The following GRIA3 variants were observed in gnomAD, a reference collection of about 807,000 sequenced individuals.
GRIA3 encodes glutamate ionotropic receptor AMPA type subunit 3.
GRIA3 carries 3 observed loss-of-function variants against 63.0 expected under a neutral mutation model. The observed-to-expected ratio is 0.05, with a 90% CI of 0.02 to 0.12. The LOEUF (loss-of-function observed/expected upper bound fraction) is 0.12, where lower values mean the gene tolerates loss of function less well. Among genes scored for constraint, GRIA3 ranks in the 10% least tolerant of loss-of-function variants. GRIA3 has a pLI of 1.00. For missense variants in GRIA3, 347 were observed against 700.9 expected (o/e 0.50, Z 5.70); for synonymous variants, 274 against 257.9 (o/e 1.06, Z -0.60).
intron 3 of GRIA3, among the ~76,000 whole-genome samples, chrX:123,274,414 G>A (rs531545219): frequency 1.8e-5 from 2 of 111,833 alleles, no homozygotes; most frequent in African/African-American, 6.5e-5. Context: ...AAGAAAAAGC[G>A]AAAGCAGACA....
At chrX:123,441,280 T>A (rs1225414157) in intron 12 of GRIA3, among the ~76,000 whole-genome samples, 1 of 111,895 alleles carries the variant, frequency 8.9e-6, no homozygotes, top group Non-Finnish European at 1.9e-5. Flanking sequence ...CACATTAAGA[T>A]TTGTTTGTGA....
intron 12 of GRIA3, among the ~76,000 whole-genome samples, chrX:123,456,245 C>T (rs62594148): frequency 0.1 from 11,217 of 110,959 alleles, 478 homozygotes; most frequent in Admixed American, 0.15. Context: ...CTACTGCACC[C>T]ACCTCACAGG....
chrX:123,350,877 T>A (rs2045090109), intron 4 of GRIA3, among the ~76,000 whole-genome samples: 1 of 112,432 alleles, frequency 8.9e-6, no homozygotes, highest in African/African-American at 3.2e-5. Context: ...AAAATAAATT[T>A]CCTTAAAACA....
intron 15 of GRIA3, among the ~76,000 whole-genome samples, chrX:123,484,960 C>T (rs765074609): frequency 1.8e-5 from 2 of 112,801 alleles, no homozygotes; most frequent in South Asian, 7.3e-4. Context: ...CAGCACACTG[C>T]ACCAATCCGC....
chrX:123,367,556 C>A (rs1477357205), intron 5 of GRIA3, among the ~76,000 whole-genome samples: 2 of 110,644 alleles, frequency 1.8e-5, no homozygotes, highest in Non-Finnish European at 3.8e-5. Context: ...GCTGCCTCAA[C>A]CTCCTGAGTA....
At chrX:123,415,909 G>T (rs144685061) in intron 10 of GRIA3, among the ~76,000 whole-genome samples, 1 of 111,976 alleles carries the variant, frequency 8.9e-6, no homozygotes, top group Admixed American at 9.4e-5. Context: ...GGTTGGCTAA[G>T]GTTGATAATT....
At chrX:123,275,884 GC>G (rs1461578243) in intron 3 of GRIA3, among the ~76,000 whole-genome samples, 33 of 112,047 alleles carry the variant, frequency 2.9e-4, no homozygotes, top group African/African-American at 9.4e-4. Flanking sequence ...ATTGTATCTA[GC>G]TTCTATCTGT....
At chrX:123,326,877 G>A (rs2044909162) in intron 4 of GRIA3, among the ~76,000 whole-genome samples, 2 of 110,620 alleles carry the variant, frequency 1.8e-5, no homozygotes, top group Non-Finnish European at 3.8e-5. Flanking sequence ...TGGGCAACAA[G>A]TTATCACTGT....
intron 5 of GRIA3, among the ~76,000 whole-genome samples, chrX:123,386,235 T>C (rs1259601996): frequency 8.9e-6 from 1 of 112,236 alleles, no homozygotes; most frequent in African/African-American, 3.2e-5. Context: ...GCAATCTGTA[T>C]GTCTTATTTT....
intron 2 of GRIA3, among the ~76,000 whole-genome samples, chrX:123,237,635 G>A (rs776892215): frequency 3.6e-5 from 4 of 112,061 alleles, no homozygotes; most frequent in African/African-American, 6.5e-5. Context: ...TACAGAGCCC[G>A]AATCCTCTTT....
intron 13 of GRIA3, among the ~76,000 whole-genome samples, chrX:123,477,804 A>G (rs990624340): frequency 1.8e-5 from 2 of 111,842 alleles, no homozygotes; most frequent in Non-Finnish European, 3.8e-5. Context: ...ACCTTTAATC[A>G]GACTGCTCTG....
intron 4 of GRIA3, among the ~76,000 whole-genome samples, chrX:123,341,974 G>GTT (rs756236854): frequency 9.3e-6 from 1 of 107,369 alleles, no homozygotes; most frequent in African/African-American, 3.4e-5. Context: ...CTAAGAGTGG[G>GTT]TTTTTTTTTT....
intron 4 of GRIA3, among the ~76,000 whole-genome samples, chrX:123,352,147 C>T (rs746446647): frequency 9.1e-6 from 1 of 110,003 alleles, no homozygotes; most frequent in African/African-American, 3.3e-5. Flanking sequence ...ATGGCACGAT[C>T]TCAGCTCACT....
At chrX:123,304,171 G>T (rs1206311254) in intron 3 of GRIA3, among the ~76,000 whole-genome samples, 1 of 111,040 alleles carries the variant, frequency 9.0e-6, no homozygotes, top group South Asian at 3.8e-4. Flanking sequence ...AAGAAAAGTG[G>T]GCTTACATAT....
In GRIA3 at chrX:123,403,034, CT is replaced by C; in HGVS notation, c.1123del (p.Tyr375MetfsTer14). ...QGMTGNIQFD[T>X]YGRRTNYTID... ...ATGACTGGAAATATTCAATTTGACA[CT>C]TATGGACGTAGGACAAATTATACCA... On this transcript the variant is annotated frameshift_variant, in exon 8 of 16. Coordinates refer to ENST00000620443, the MANE Select transcript of GRIA3 (RefSeq NM_007325.5). LOFTEE classifies it high-confidence loss of function. 1 of 1,177,927 alleles carries C rather than the reference CT, an allele frequency of 8.5e-7. No individual in the cohort carries two copies. Among genetic ancestry groups the C allele is most frequent in the Non-Finnish European group, 1.2e-6 (1 of 865,508 alleles).
chrX:123,465,632 C>G (rs371921501), intron 13 of GRIA3: 41 of 995,272 alleles, frequency 4.1e-5, no homozygotes, highest in Non-Finnish European at 5.7e-5. Flanking sequence ...ATTTCCTAAG[C>G]ATTTGTGCAT....
At chrX:123,436,918 G>A (rs1040087133) in intron 12 of GRIA3, among the ~76,000 whole-genome samples, 7 of 110,758 alleles carry the variant, frequency 6.3e-5, no homozygotes, top group Non-Finnish European at 1.3e-4. Context: ...AGCCTGTGTA[G>A]GTTAATTATT....
chrX:123,301,257 T>G (rs1162633995), intron 3 of GRIA3, among the ~76,000 whole-genome samples: 3 of 111,458 alleles, frequency 2.7e-5, no homozygotes, highest in Non-Finnish European at 1.9e-5. Context: ...TGTCTAATCC[T>G]GTCAGTGGGG....
chrX:123,220,553 C>T (rs1055912552), intron 2 of GRIA3, among the ~76,000 whole-genome samples: 1 of 111,294 alleles, frequency 9.0e-6, no homozygotes, highest in African/African-American at 3.3e-5. Flanking sequence ...CAGGTAAAAG[C>T]TCACTCTTTC....
Sources: gnomAD v4.1 joint callset for allele counts (sites outside exome capture counted in the v4.1 genomes callset) on GRCh38, gnomAD v4.1.1 for gene constraint, MANE v1.5 for transcripts, NCBI Gene and HGNC (gene_info 2026-07-23, HGNC 2026-07-21) for gene names.